RSRC1: variants seen among roughly 807,000 people sequenced by gnomAD.
RSRC1 encodes the protein serine/Arginine-related protein 53.
Under a neutral mutation model 49.1 loss-of-function variants are expected in RSRC1, and 39 were observed. The ratio of observed to expected loss-of-function variants is 0.79; its 90% CI spans 0.61 to 1.04. The LOEUF (loss-of-function observed/expected upper bound fraction) is 1.04. Ranked by LOEUF, RSRC1 falls within the 50% of genes least tolerant of loss-of-function variation. The pLI, the probability that RSRC1 is intolerant of heterozygous loss-of-function variation, is 0.00. For missense variants in RSRC1, 388 were observed against 402.4 expected (o/e 0.96, Z 0.31); for synonymous variants, 143 against 130.8 (o/e 1.09, Z -0.63).
intron 6 of RSRC1, among the ~76,000 whole-genome samples, chr3:158,397,937 AAAT>A (rs1733698470): frequency 6.6e-6 from 1 of 152,112 alleles, no homozygotes; most frequent in South Asian, 2.1e-4. Flanking sequence ...GGAAGCTCAG[AAAT>A]AATATGAGGT....
At chr3:158,425,525 GA>G (rs1349269475) in intron 6 of RSRC1, among the ~76,000 whole-genome samples, 1 of 151,976 alleles carries the variant, frequency 6.6e-6, no homozygotes, top group Non-Finnish European at 1.5e-5. Context: ...TGGAATAGTA[GA>G]TGTGGTGTGG....
chr3:158,479,791 G>A (rs1738535534), intron 7 of RSRC1, among the ~76,000 whole-genome samples: 1 of 151,930 alleles, frequency 6.6e-6, no homozygotes, highest in Non-Finnish European at 1.5e-5. Context: ...GTATTAAATG[G>A]CTAATTTAAC....
At chr3:158,231,834 A>G (rs989669811) in intron 4 of RSRC1, among the ~76,000 whole-genome samples, 1 of 152,154 alleles carries the variant, frequency 6.6e-6, no homozygotes, top group Non-Finnish European at 1.5e-5. Context: ...TATTTCCCAA[A>G]TCATTCAAGA....
At chr3:158,508,460 G>A (rs976381975) in intron 7 of RSRC1, among the ~76,000 whole-genome samples, 1 of 150,812 alleles carries the variant, frequency 6.6e-6, no homozygotes, top group Non-Finnish European at 1.5e-5. Context: ...TAAAGTCTGT[G>A]TCATACATGT....
intron 3 of RSRC1, among the ~76,000 whole-genome samples, chr3:158,161,012 T>C (rs939025384): frequency 3.3e-5 from 5 of 152,228 alleles, no homozygotes; most frequent in Non-Finnish European, 5.9e-5. Context: ...TTATTCACTG[T>C]TGTTCACTAG....
chr3:158,513,136 G>A (rs561244438), intron 7 of RSRC1, among the ~76,000 whole-genome samples: 2 of 149,734 alleles, frequency 1.3e-5, no homozygotes, highest in South Asian at 2.2e-4. Context: ...GCCCTGGGCA[G>A]CACTTCCAAC....
At chr3:158,416,697 A>G (rs1056783833) in intron 6 of RSRC1, among the ~76,000 whole-genome samples, 7 of 152,102 alleles carry the variant, frequency 4.6e-5, no homozygotes, top group Non-Finnish European at 1.0e-4. Context: ...ATGCAAATTT[A>G]TAAGCAAACT....
intron 3 of RSRC1, among the ~76,000 whole-genome samples, chr3:158,128,877 G>T (rs1260535192): frequency 6.6e-6 from 1 of 152,166 alleles, no homozygotes; most frequent in Non-Finnish European, 1.5e-5. Flanking sequence ...GCCTGAGTTT[G>T]TGTGATGTTT....
chr3:158,180,464 G>A (rs1210785161), intron 3 of RSRC1, among the ~76,000 whole-genome samples: 1 of 116,214 alleles, frequency 8.6e-6, no homozygotes, highest in Non-Finnish European at 1.7e-5. Context: ...GTGTCTGTGT[G>A]TGTGTAATTT....
chr3:158,404,111 C>G (rs939031657), intron 6 of RSRC1, among the ~76,000 whole-genome samples: 1 of 151,760 alleles, frequency 6.6e-6, no homozygotes, highest in Non-Finnish European at 1.5e-5. Context: ...CTTTCAAGGC[C>G]ATGAATTTTT....
chr3:158,288,083 A>T (rs183295021), intron 4 of RSRC1, among the ~76,000 whole-genome samples: 14 of 152,206 alleles, frequency 9.2e-5, no homozygotes, highest in African/African-American at 3.1e-4. Context: ...GGACCTAAAA[A>T]CTTACATTAT....
chr3:158,127,765 T>G (rs1715727421), intron 3 of RSRC1, among the ~76,000 whole-genome samples: 1 of 149,502 alleles, frequency 6.7e-6, no homozygotes, highest in Non-Finnish European at 1.5e-5. Context: ...GGTTTTTTTT[T>G]TTTTTTTTTT....
intron 7 of RSRC1, among the ~76,000 whole-genome samples, chr3:158,489,380 G>A (rs187933216): frequency 6.6e-6 from 1 of 152,270 alleles, no homozygotes; most frequent in South Asian, 2.1e-4. Context: ...TCATTAGGCT[G>A]GCTCAACCAC....
intron 7 of RSRC1, among the ~76,000 whole-genome samples, chr3:158,505,189 A>T (rs1739795452): frequency 6.6e-6 from 1 of 151,970 alleles, no homozygotes; most frequent in African/African-American, 2.4e-5. Flanking sequence ...TTTATAGTGT[A>T]CTCTTTTATT....
At chr3:158,134,014 A>C (rs1716202119) in intron 3 of RSRC1, among the ~76,000 whole-genome samples, 1 of 152,206 alleles carries the variant, frequency 6.6e-6, no homozygotes, top group Non-Finnish European at 1.5e-5. Context: ...GGATATGAAG[A>C]AAGGAACCTT....
chr3:158,372,716 T>G (rs1463635315), intron 6 of RSRC1, among the ~76,000 whole-genome samples: 1 of 151,964 alleles, frequency 6.6e-6, no homozygotes, highest in Non-Finnish European at 1.5e-5. Flanking sequence ...TGACTCAGAT[T>G]AAAATTTTTT....
chr3:158,211,347 C>A lies in RSRC1; in HGVS notation c.494+8102C>A, dbSNP rs902789583. Among the ~76,000 whole-genome samples, 3 of 151,798 alleles carry A rather than the reference C, an allele frequency of 2.0e-5. No homozygotes were observed. The East Asian group carries it at 5.8e-4, about 29-fold the overall frequency. On this transcript the variant is annotated intron_variant, in intron 4 of 9. Coordinates refer to ENST00000611884, the MANE Select transcript of RSRC1 (RefSeq NM_001271838.2). ...TCATACAAATATACATGAACACTTG[C>A]CAAAGATATTACTTACCTAATTAAT...
At chr3:158,533,643 T>A (rs1714507) in intron 7 of RSRC1, among the ~76,000 whole-genome samples, 90,141 of 151,392 alleles carry the variant, frequency 0.6, 27,569 homozygotes, top group African/African-American at 0.73. Flanking sequence ...AAAATTCAAG[T>A]GGTCCAACAT....
intron 4 of RSRC1, among the ~76,000 whole-genome samples, chr3:158,213,076 T>C (rs772972340): frequency 2.0e-5 from 3 of 151,960 alleles, no homozygotes; most frequent in African/African-American, 4.8e-5. Context: ...AATCAGAAAT[T>C]TATCCTCCTT....
Sources: gnomAD v4.1 joint callset for allele counts (sites outside exome capture counted in the v4.1 genomes callset) on GRCh38, gnomAD v4.1.1 for gene constraint, MANE v1.5 for transcripts, NCBI Gene and HGNC (gene_info 2026-07-23, HGNC 2026-07-21) for gene names.